Variants in GLIS3 observed in about 807,000 individuals in gnomAD.
GLIS3 encodes zinc finger protein GLIS3.
GLIS3 carries 53 observed loss-of-function variants against 78.6 expected under a neutral mutation model. That is an observed-to-expected ratio of 0.67 (90% CI 0.54 to 0.85). The LOEUF (loss-of-function observed/expected upper bound fraction) is 0.85, where lower values mean the gene tolerates loss of function less well. Ranked by LOEUF, GLIS3 falls within the 40% of genes least tolerant of loss-of-function variation. The pLI is 0.00. For missense variants in GLIS3, 1,703 were observed against 1,231.1 expected (o/e 1.38, Z -5.74); for synonymous variants, 684 against 509.9 (o/e 1.34, Z -4.60).
intron 8 of GLIS3, among the ~76,000 whole-genome samples, chr9:3,872,630 G>A (rs1298952795): frequency 6.6e-6 from 1 of 152,096 alleles, no homozygotes; most frequent in African/African-American, 2.4e-5. Context: ...AACAGTATGG[G>A]GGAAACCATC....
At chr9:4,103,146 A>G (rs1375044632) in intron 4 of GLIS3, among the ~76,000 whole-genome samples, 1 of 152,236 alleles carries the variant, frequency 6.6e-6, no homozygotes, top group Non-Finnish European at 1.5e-5. Context: ...TCATAATCAC[A>G]GTAAACAAAT....
At chr9:4,225,600 T>G (rs1440924779) in intron 2 of GLIS3, among the ~76,000 whole-genome samples, 1 of 152,168 alleles carries the variant, frequency 6.6e-6, no homozygotes, top group African/African-American at 2.4e-5. Context: ...AAGATGAAAT[T>G]TAGACAAGGC....
rs530603021 is a variant in GLIS3 at position 4,311,000 on chromosome 9, G to A, written n.265-472C>T. 8.5e-5 allele frequency among the ~76,000 whole-genome samples: 13 copies of A among 152,338 alleles called. 1 individual carries two copies. The Middle Eastern group carries it at 0.01, about 120-fold the overall frequency. On this transcript the variant is annotated intron_variant and non_coding_transcript_variant, in intron 2 of 4. Coordinates refer to the GLIS3 transcript ENST00000471664. ...GATTTCAATACAGACAAGGTGTACA[G>A]GATTTGGAGGGCAGTGGGCAACTTC...
intron 7 of GLIS3, among the ~76,000 whole-genome samples, chr9:3,880,093 T>C (rs1031474360): frequency 1.3e-5 from 2 of 152,156 alleles, no homozygotes; most frequent in Non-Finnish European, 2.9e-5. Context: ...AACTGGAGCT[T>C]CCCTGATCCT....
chr9:4,085,522 A>T (rs922064398), intron 4 of GLIS3, among the ~76,000 whole-genome samples: 1 of 151,976 alleles, frequency 6.6e-6, no homozygotes. Flanking sequence ...CTCTACACTG[A>T]CCCTTTCTCC....
At chr9:3,844,454 C>T (rs1588071755) in intron 9 of GLIS3, among the ~76,000 whole-genome samples, 1 of 152,150 alleles carries the variant, frequency 6.6e-6, no homozygotes, top group African/African-American at 2.4e-5. Flanking sequence ...CATTAGAGGC[C>T]AACTTCATGA....
chr9:4,345,221 C>T (rs751822253), intron 2 of GLIS3, among the ~76,000 whole-genome samples: 1 of 152,142 alleles, frequency 6.6e-6, no homozygotes, highest in Non-Finnish European at 1.5e-5. Context: ...TACCTTTGCC[C>T]TTCCTTCATT....
chr9:4,154,919 T>C (rs1834940820), intron 2 of GLIS3, among the ~76,000 whole-genome samples: 2 of 152,208 alleles, frequency 1.3e-5, no homozygotes, highest in South Asian at 4.1e-4. Context: ...ACACTTTCCG[T>C]ATACATAAAA....
chr9:3,920,854 A>G (rs1181646774), intron 6 of GLIS3, among the ~76,000 whole-genome samples: 1 of 152,200 alleles, frequency 6.6e-6, no homozygotes, highest in East Asian at 1.9e-4. Context: ...ACTAGCCCAA[A>G]GCAGTATTGT....
the GLIS3 span, among the ~76,000 whole-genome samples, chr9:4,379,850 C>T: frequency 6.6e-6 from 1 of 152,132 alleles, no homozygotes; most frequent in African/African-American, 2.4e-5. Context: ...TGACACACAT[C>T]ATATTATATT....
intron 2 of GLIS3, among the ~76,000 whole-genome samples, chr9:4,252,045 CT>C (rs950948261): frequency 6.6e-6 from 1 of 152,108 alleles, no homozygotes; most frequent in Non-Finnish European, 1.5e-5. Flanking sequence ...ACATTTTTTC[CT>C]TCATTTCAAC....
chr9:4,402,289 C>A, the GLIS3 span, among the ~76,000 whole-genome samples: 2 of 152,166 alleles, frequency 1.3e-5, no homozygotes, highest in African/African-American at 4.8e-5. Flanking sequence ...ATGCAAAAAC[C>A]ACAGCATTAC....
intron 3 of GLIS3, among the ~76,000 whole-genome samples, chr9:4,122,577 A>T (rs186467953): frequency 4.6e-4 from 70 of 152,294 alleles, no homozygotes; most frequent in South Asian, 4.1e-4. Context: ...GAACTTTGTC[A>T]CTGACAAGCT....
At chr9:4,324,278 G>C (rs1474593595) in intron 2 of GLIS3, among the ~76,000 whole-genome samples, 1 of 152,154 alleles carries the variant, frequency 6.6e-6, no homozygotes, top group Admixed American at 6.5e-5. Flanking sequence ...GAGGCTGAGA[G>C]CTTAGGATGC....
chr9:4,174,938 C>T (rs966508042), intron 2 of GLIS3, among the ~76,000 whole-genome samples: 1 of 152,122 alleles, frequency 6.6e-6, no homozygotes, highest in African/African-American at 2.4e-5. Flanking sequence ...TGACTGACGA[C>T]GCTGGAAGTA....
chr9:4,301,758 C>A (rs182877164), upstream of GLIS3, among the ~76,000 whole-genome samples: 79 of 152,266 alleles, frequency 5.2e-4, 1 homozygote, highest in South Asian at 0.016. Context: ...ATGATGGGAA[C>A]AGCTTAGCTG....
chr9:3,994,809 C>T (rs1483431883), intron 4 of GLIS3, among the ~76,000 whole-genome samples: 2 of 152,168 alleles, frequency 1.3e-5, no homozygotes, highest in South Asian at 2.1e-4. Context: ...TGATGCAGCA[C>T]ATCTAAAAAT....
At position 4,180,633 on chromosome 9, in the gene GLIS3, A is replaced by G. The variant is rs186887927; in HGVS notation, c.389-54692T>C. Among the ~76,000 whole-genome samples the G allele has an allele frequency of 1.1e-4, 17 of 152,326 alleles. No individual in the cohort carries two copies. The East Asian group carries it at 2.9e-3, about 26-fold the overall frequency. On this transcript the variant is annotated intron_variant, in intron 2 of 10. Transcript: ENST00000381971. ...AGGATTGTGTCCATCCTGCTCCATG[A>G]GAGAACAGCAGATCTTAAAAGGGGG...
chr9:4,149,974 C>G (rs938926998), intron 2 of GLIS3, among the ~76,000 whole-genome samples: 1 of 152,190 alleles, frequency 6.6e-6, no homozygotes, highest in African/African-American at 2.4e-5. Context: ...GTCTTGAATG[C>G]GCACAGTTCA....
Sources: allele counts gnomAD v4.1 joint callset (sites outside exome capture counted in the v4.1 genomes callset), GRCh38; gene constraint gnomAD v4.1.1; transcripts MANE v1.5; gene names NCBI Gene and HGNC (gene_info 2026-07-23, HGNC 2026-07-21).